ROBO1: variants seen among roughly 807,000 people sequenced by gnomAD.
The protein encoded by ROBO1 is roundabout homolog 1.
In ROBO1, 149 loss-of-function variants were observed where a neutral mutation model predicts 195.9. The ratio of observed to expected loss-of-function variants is 0.76; its 90% CI spans 0.67 to 0.87. The LOEUF is 0.87. Ranked by LOEUF, ROBO1 falls within the 40% of genes least tolerant of loss-of-function variation. ROBO1 has a pLI of 0.00. For missense variants in ROBO1, 1,933 were observed against 2,068.3 expected (o/e 0.93, Z 1.27); for synonymous variants, 816 against 733.2 (o/e 1.11, Z -1.82).
intron 2 of ROBO1, among the ~76,000 whole-genome samples, chr3:79,316,311 G>T (rs1019507343): frequency 6.6e-5 from 10 of 152,112 alleles, no homozygotes; most frequent in Admixed American, 6.6e-4. Context: ...GTGGCTAAAA[G>T]TGACAGTAAC....
intron 3 of ROBO1, among the ~76,000 whole-genome samples, chr3:79,096,438 A>T (rs1373639420): frequency 6.6e-6 from 1 of 151,844 alleles, no homozygotes; most frequent in Non-Finnish European, 1.5e-5. Context: ...ACATATATGA[A>T]TATGCATTTC....
Position 79,070,866 on chromosome 3 carries a change from AT to A in ROBO1, c.172+54589del, listed in dbSNP as rs557117772. Among the ~76,000 whole-genome samples, 138 of 151,546 alleles carry A rather than the reference AT, an allele frequency of 9.1e-4. 1 individual carries two copies. Among genetic ancestry groups the A allele is most frequent in the African/African-American group, 2.9e-3 (122 of 41,400 alleles). Reference sequence around the variant, plus strand: ...ATGCCTTTTAATTGCTCTTTTATGTATTTTTTGACTCTATAGCTAATTCTTT... The same window carrying A: ...ATGCCTTTTAATTGCTCTTTTATGTATTTTTGACTCTATAGCTAATTCTTT... On this transcript the variant is annotated intron_variant, in intron 3 of 30. Transcript: ENST00000464233.
At chr3:79,176,650 A>T (rs2081265900) in intron 2 of ROBO1, among the ~76,000 whole-genome samples, 1 of 151,902 alleles carries the variant, frequency 6.6e-6, no homozygotes, top group Non-Finnish European at 1.5e-5. Flanking sequence ...TAGTGTTGAA[A>T]TTTCACCATT....
intron 2 of ROBO1, among the ~76,000 whole-genome samples, chr3:79,210,560 A>C (rs551063994): frequency 8.5e-5 from 13 of 152,290 alleles, no homozygotes; most frequent in African/African-American, 2.6e-4. Flanking sequence ...GACACAATCT[A>C]ATGGAGTGAC....
chr3:79,163,434 G>A (rs1365305322), intron 2 of ROBO1, among the ~76,000 whole-genome samples: 1 of 152,068 alleles, frequency 6.6e-6, no homozygotes, highest in Non-Finnish European at 1.5e-5. Flanking sequence ...TCTGCTGATG[G>A]ACATTTGGAT....
rs994196634 is a variant in ROBO1 at position 78,698,852 on chromosome 3, T to C, written c.1046-10080A>G. Among the ~76,000 whole-genome samples, 6 of 152,334 alleles carry C rather than the reference T, an allele frequency of 3.9e-5. No individual in the cohort carries two copies. The South Asian group carries it at 6.2e-4, about 16-fold the overall frequency. ...AAAAGGTTAGTACTCTTGCTCTTAT[T>C]CTTCCTTTCTAAAAATATTGTCACT... On this transcript the variant is annotated intron_variant, in intron 8 of 30. Coordinates refer to ENST00000464233, the MANE Select transcript of ROBO1 (RefSeq NM_002941.4).
At chr3:78,899,354 C>T (rs980621724) in intron 4 of ROBO1, among the ~76,000 whole-genome samples, 2 of 152,028 alleles carry the variant, frequency 1.3e-5, no homozygotes, top group African/African-American at 4.8e-5. Flanking sequence ...TCTGATTAGG[C>T]AATTAATAGA....
At chr3:78,639,519 C>T (rs1431180762) in intron 22 of ROBO1, among the ~76,000 whole-genome samples, 1 of 152,302 alleles carries the variant, frequency 6.6e-6, no homozygotes, top group East Asian at 1.9e-4. Context: ...TAGAATTTAT[C>T]TTCCCAATTC....
chr3:78,618,486 C>T (rs1015406685), intron 26 of ROBO1, among the ~76,000 whole-genome samples: 2 of 152,010 alleles, frequency 1.3e-5, no homozygotes, highest in Non-Finnish European at 2.9e-5. Flanking sequence ...TTTTTTAAAT[C>T]ACCTCTCCTA....
At chr3:78,711,386 C>CTTTCTTT (rs1260508542) in intron 8 of ROBO1, among the ~76,000 whole-genome samples, 13 of 34,384 alleles carry the variant, frequency 3.8e-4, no homozygotes, top group African/African-American at 8.5e-4. Context: ...TTCCTTCCTT[C>CTTTCTTT]CTTCCTTCCT....
Position 78,746,812 on chromosome 3 carries a change from G to C in ROBO1, c.588C>G (p.Gly196=), listed in dbSNP as rs1379512397. The C allele has an allele frequency of 6.2e-7, 1 of 1,603,024 alleles. No homozygotes were observed. The highest frequency in any genetic ancestry group is 1.3e-5 in the African/African-American group (1 of 74,770). ...PAVMECQPPR[G]HPEPTISWKK... is the part of the protein sequence containing the mutation. ...TCCATGAAATGGTGGGCTCAGGATGGCCTCGTGGAGGTTGGCATTCCATTA... is the reference window on the plus strand; with the variant it reads ...TCCATGAAATGGTGGGCTCAGGATGCCCTCGTGGAGGTTGGCATTCCATTA... The change falls in exon 5 of 31, where the codon GGC becomes GGG. Residue 196 remains glycine (G), a synonymous_variant. Transcript: ENST00000464233.
intron 4 of ROBO1, among the ~76,000 whole-genome samples, chr3:78,793,550 A>C (rs1022923850): frequency 2.0e-5 from 3 of 152,154 alleles, no homozygotes; most frequent in African/African-American, 7.2e-5. Context: ...TGATCCAACA[A>C]TTTTGCTTTC....
intron 2 of ROBO1, among the ~76,000 whole-genome samples, chr3:79,337,935 C>T (rs970481605): frequency 5.9e-5 from 9 of 152,060 alleles, no homozygotes; most frequent in Admixed American, 5.9e-4. Flanking sequence ...TATTATCTTT[C>T]ATTTCTTATT....
At chr3:79,221,445 C>T (rs1451534770) in intron 2 of ROBO1, among the ~76,000 whole-genome samples, 2 of 152,102 alleles carry the variant, frequency 1.3e-5, no homozygotes, top group Non-Finnish European at 2.9e-5. Flanking sequence ...TGGGGGCATA[C>T]TGTCACATTC....
intron 1 of ROBO1, among the ~76,000 whole-genome samples, chr3:79,710,037 C>A (rs1411147241): frequency 6.6e-6 from 1 of 151,878 alleles, no homozygotes; most frequent in Non-Finnish European, 1.5e-5. Context: ...TTATAGCACT[C>A]TGAATGAAGA....
At chr3:79,499,280 C>T (rs1939925810) in intron 2 of ROBO1, among the ~76,000 whole-genome samples, 1 of 152,188 alleles carries the variant, frequency 6.6e-6, no homozygotes, top group Non-Finnish European at 1.5e-5. Flanking sequence ...CAGCCTTGAG[C>T]CACCGCGCCC....
intron 10 of ROBO1, 173 bp from the exon 11 acceptor site, chr3:78,670,474 A>G (rs1708005061): frequency 1.6e-6 from 1 of 606,760 alleles, no homozygotes; most frequent in African/African-American, 1.9e-5. Context: ...CTGATTCAGA[A>G]TACTAAAATG....
At chr3:79,578,221 A>G (rs925236632) in intron 2 of ROBO1, among the ~76,000 whole-genome samples, 3 of 152,178 alleles carry the variant, frequency 2.0e-5, no homozygotes, top group Non-Finnish European at 2.9e-5. Context: ...TGATACATAA[A>G]CAGTTTGACA....
intron 10 of ROBO1, among the ~76,000 whole-genome samples, chr3:78,679,729 T>C (rs571293374): frequency 9.2e-5 from 14 of 152,204 alleles, no homozygotes; most frequent in Admixed American, 1.3e-4. Context: ...GTAGGAAGAA[T>C]CAATATCGTG....
Sources: allele counts gnomAD v4.1 joint callset (sites outside exome capture counted in the v4.1 genomes callset), GRCh38; gene constraint gnomAD v4.1.1; transcripts MANE v1.5; gene names NCBI Gene and HGNC (gene_info 2026-07-23, HGNC 2026-07-21).